ATP8B4: variants seen among roughly 807,000 people sequenced by gnomAD.
ATP8B4 encodes ATPase phospholipid transporting 8B4 (putative).
A neutral mutation model predicts 145.6 loss-of-function variants in ATP8B4; 133 were observed. That is an observed-to-expected ratio of 0.91 (90% CI 0.79 to 1.05). The LOEUF (loss-of-function observed/expected upper bound fraction) is 1.05. Among genes scored for constraint, ATP8B4 ranks in the 50% least tolerant of loss-of-function variants. The pLI, the probability that ATP8B4 is intolerant of heterozygous loss-of-function variation, is 0.00. For synonymous variants in ATP8B4, 507 were observed against 492.9 expected (o/e 1.03, Z -0.38); for missense variants, 1,458 against 1,425.2 (o/e 1.02, Z -0.37).
chr15:49,995,066 A>G (rs2047316861), intron 9 of ATP8B4, among the ~76,000 whole-genome samples: 1 of 152,150 alleles, frequency 6.6e-6, no homozygotes, highest in Non-Finnish European at 1.5e-5. Flanking sequence ...TACTGTGTTT[A>G]TGCCACTAAG....
chr15:50,178,089 AT>A (rs1342835673), intron 1 of ATP8B4, among the ~76,000 whole-genome samples: 1 of 152,206 alleles, frequency 6.6e-6, no homozygotes, highest in Non-Finnish European at 1.5e-5. Context: ...TTCTCCTGCA[AT>A]ACCTAGAATA....
At chr15:50,035,264 G>A (rs1233461896) in intron 6 of ATP8B4, among the ~76,000 whole-genome samples, 3 of 152,292 alleles carry the variant, frequency 2.0e-5, no homozygotes, top group Non-Finnish European at 2.9e-5. Flanking sequence ...AGAATGTTAC[G>A]AGTAATGCTC....
chr15:50,144,546 A>G (rs2044251547), intron 1 of ATP8B4, among the ~76,000 whole-genome samples: 3 of 152,164 alleles, frequency 2.0e-5, no homozygotes, highest in Non-Finnish European at 4.4e-5. Flanking sequence ...ATCAGATCAC[A>G]TGAGACTCAC....
In ATP8B4 at chr15:49,866,559, C is replaced by T. The variant is rs562066234; in HGVS notation, c.3028-75G>A. The T allele has an allele frequency of 2.6e-3, 3,988 of 1,548,734 alleles. 8 individuals carry two copies. The highest frequency in any genetic ancestry group is 3.1e-3 in the Non-Finnish European group (3,524 of 1,132,342). ...CATCATTTTACCTCGTGATGTTTCG[C>T]GAGAACTGCCCTGTGGCAGGAAGTT... is the stretch of plus-strand genomic sequence containing the variant. On this transcript the variant is annotated intron_variant, in intron 25 of 27. Coordinates refer to ENST00000284509, the MANE Select transcript of ATP8B4 (RefSeq NM_024837.4).
At chr15:50,156,512 T>TG (rs1217831917) in intron 1 of ATP8B4, among the ~76,000 whole-genome samples, 1 of 152,148 alleles carries the variant, frequency 6.6e-6, no homozygotes, top group Non-Finnish European at 1.5e-5. Flanking sequence ...TCTCTTTTTT[T>TG]GGCTGGAATA....
intron 14 of ATP8B4, among the ~76,000 whole-genome samples, chr15:49,960,309 G>A (rs1245658805): frequency 2.0e-5 from 3 of 152,152 alleles, no homozygotes; most frequent in Non-Finnish European, 4.4e-5. Context: ...TTACAGGCAT[G>A]AGCCACCACG....
intron 1 of ATP8B4, among the ~76,000 whole-genome samples, chr15:50,107,896 C>T (rs1244341910): frequency 1.3e-5 from 2 of 152,100 alleles, no homozygotes; most frequent in East Asian, 3.9e-4. Flanking sequence ...CATCAACACG[C>T]ACTGCTCCAC....
At chr15:50,043,717 G>C (rs1392747143) in intron 5 of ATP8B4, among the ~76,000 whole-genome samples, 1 of 152,076 alleles carries the variant, frequency 6.6e-6, no homozygotes. Context: ...ACTTTGGGAG[G>C]CCGAGGCAGG....
chr15:49,917,398 T>C (rs2039850765), intron 19 of ATP8B4: 3 of 173,892 alleles, frequency 1.7e-5, no homozygotes, highest in South Asian at 1.9e-4. Context: ...CTGAATACTG[T>C]CTTGGGAGAG....
chr15:49,920,394 C>A lies in ATP8B4; in HGVS notation c.1775G>T (p.Gly592Val), dbSNP rs1271287827. The change falls in exon 18 of 28, where the codon GGC becomes GTC. Residue 592 changes from glycine to valine, a missense_variant. Transcript: ENST00000284509. ...GTATGCGATGGCCAAGGTCCGAAGGCCTTCCCCTGCAAATTCCTGCCAGAG... is the reference window on the plus strand; with the variant it reads ...GTATGCGATGGCCAAGGTCCGAAGGACTTCCCCTGCAAATTCCTGCCAGAG... ...SDHLSEFAGEGLRTLAIAYRD... is the reference protein window; with the variant it reads ...SDHLSEFAGEVLRTLAIAYRD... The A allele has an allele frequency of 6.2e-7, 1 of 1,613,096 alleles. No individual in the cohort carries two copies. The highest frequency in any genetic ancestry group is 8.5e-7 in the Non-Finnish European group (1 of 1,179,616).
intron 20 of ATP8B4, chr15:49,908,164 A>T (rs1357359773): frequency 2.2e-6 from 1 of 451,848 alleles, no homozygotes; most frequent in African/African-American, 2.0e-5. Flanking sequence ...TCTTCCAGGC[A>T]CTGTCTCAAA....
intron 1 of ATP8B4, among the ~76,000 whole-genome samples, chr15:50,146,866 G>A (rs1241344766): frequency 1.3e-5 from 2 of 151,882 alleles, no homozygotes; most frequent in Non-Finnish European, 2.9e-5. Flanking sequence ...GTTCCACACA[G>A]GAAGAGGAAC....
intron 1 of ATP8B4, among the ~76,000 whole-genome samples, chr15:50,136,139 AC>A (rs2044118867): frequency 6.6e-6 from 1 of 152,140 alleles, no homozygotes; most frequent in Admixed American, 6.5e-5. Context: ...AGTAAACAAG[AC>A]CACCCCTCTC....
chr15:49,978,785 CATGCAT>C (rs2045902916), intron 12 of ATP8B4, among the ~76,000 whole-genome samples: 1 of 131,266 alleles, frequency 7.6e-6, no homozygotes, highest in South Asian at 2.5e-4. Flanking sequence ...CACACACACA[CATGCAT>C]ACATATGTAT....
chr15:50,007,907 G>C (rs1225830084), intron 7 of ATP8B4, among the ~76,000 whole-genome samples: 1 of 152,190 alleles, frequency 6.6e-6, no homozygotes, highest in Non-Finnish European at 1.5e-5. Context: ...GGTTCAGTGA[G>C]GTGGATTTGA....
chr15:50,172,678 C>A (rs945796706), intron 1 of ATP8B4, among the ~76,000 whole-genome samples: 4 of 152,018 alleles, frequency 2.6e-5, no homozygotes, highest in African/African-American at 9.7e-5. Context: ...TCCCGGCCGT[C>A]ATCCCATCTA....
intron 1 of ATP8B4, among the ~76,000 whole-genome samples, chr15:50,129,364 AG>A (rs1405016315): frequency 2.0e-5 from 3 of 152,116 alleles, no homozygotes; most frequent in Non-Finnish European, 2.9e-5. Flanking sequence ...TTTCTTATGG[AG>A]GTTCTGAGGG....
At position 49,981,222 on chromosome 15, in the gene ATP8B4, T is replaced by G. The variant is rs745740480; in HGVS notation, c.821A>C (p.Asn274Thr). Residue 274 changes from asparagine (N) to threonine (T), a missense_variant, in exon 11 of 28, where the codon AAT becomes ACT. Transcript: ENST00000284509. ...FKRTSIDRLM[N>T]TLVLWIFGFL... ...GTAACTTACCCATAGTACTAGAGTA[T>G]TCATCAATCTATCAATGCTTGTCCT... is the stretch of plus-strand genomic sequence containing the variant. 4 of 1,602,828 alleles carry G rather than the reference T, an allele frequency of 2.5e-6. No homozygotes were observed. The highest frequency in any genetic ancestry group is 3.4e-6 in the Non-Finnish European group (4 of 1,171,390).
rs1426321344 is a variant in ATP8B4, at chr15:49,901,230, T to C, written c.2151A>G (p.Lys717=). The change falls in exon 21 of 28, where the codon AAA becomes AAG. Residue 717 remains lysine, a synonymous_variant. Coordinates refer to ENST00000284509, the MANE Select transcript of ATP8B4 (RefSeq NM_024837.4). The stretch of plus-strand genomic sequence containing the variant: ...TTCTGTTTTGTCCAAACAAATTTTG[T>C]TTTGCTTTCCTTAAAGGAGAGGGTG... The part of the protein sequence containing the change: ...VEVREELRKA[K]QNLFGQNRNF... The C allele has an allele frequency of 4.3e-6, 7 of 1,613,138 alleles. No homozygotes were observed. In the South Asian group the frequency reaches 4.4e-5, roughly 10 times the overall value.
Sources: gnomAD v4.1 joint callset for allele counts (sites outside exome capture counted in the v4.1 genomes callset) on GRCh38, gnomAD v4.1.1 for gene constraint, MANE v1.5 for transcripts, NCBI Gene and HGNC (gene_info 2026-07-23, HGNC 2026-07-21) for gene names.